The following CDH23 variants were observed in gnomAD, a reference collection of about 807,000 sequenced individuals.
CDH23 encodes the protein cadherin-23.
CDH23 carries 189 observed loss-of-function variants against 317.1 expected under a neutral mutation model. The observed-to-expected ratio is 0.60, with a 90% CI of 0.53 to 0.67. The LOEUF (loss-of-function observed/expected upper bound fraction) is 0.67. CDH23 is among the 30% of genes least tolerant of loss of function. The probability of loss-of-function intolerance (pLI) is 0.00; values close to 1 mark genes in which losing one functional copy is unlikely to be tolerated. For missense variants in CDH23, 4,401 were observed against 4,592.4 expected (o/e 0.96, Z 1.20); for synonymous variants, 1,839 against 1,876.8 (o/e 0.98, Z 0.52).
chr10:71,761,996 G>A (rs758679492), intron 38 of CDH23: 26 of 1,610,210 alleles, frequency 1.6e-5, no homozygotes, highest in Admixed American at 1.2e-4. Flanking sequence ...CAGGGAATAC[G>A]GCGTGGCGAC....
intron 28 of CDH23, among the ~76,000 whole-genome samples, chr10:71,720,536 C>T (rs547366224): frequency 2.0e-5 from 3 of 152,286 alleles, no homozygotes; most frequent in African/African-American, 7.2e-5. Context: ...TCTTTGGCAG[C>T]TTCCCCACCA....
chr10:71,682,821 G>A (rs1318246651), intron 18 of CDH23, among the ~76,000 whole-genome samples: 1 of 152,206 alleles, frequency 6.6e-6, no homozygotes, highest in Non-Finnish European at 1.5e-5. Context: ...CACATTGTCT[G>A]CTCTGACTTC....
chr10:71,461,464 A>G (rs572162655), intron 3 of CDH23, among the ~76,000 whole-genome samples: 189 of 152,348 alleles, frequency 1.2e-3, no homozygotes, highest in Non-Finnish European at 2.2e-3. Flanking sequence ...TGGAGAGGGA[A>G]TGACGGGAGA....
chr10:71,436,353 G>A lies in CDH23; in HGVS notation c.-5-3474G>A, dbSNP rs561491810. On this transcript the variant is annotated intron_variant, in intron 1 of 69. Transcript: ENST00000224721. ...AGCCTGAGCCTGCACTGTGGAAAGC[G>A]AAAGGCATTATGCATGCATGTGTAT... Among the ~76,000 whole-genome samples the A allele has an allele frequency of 7.9e-5, 12 of 152,362 alleles. No individual in the cohort carries two copies. The South Asian group carries it at 1.0e-3, about 13-fold the overall frequency.
intron 14 of CDH23, among the ~76,000 whole-genome samples, chr10:71,670,477 GA>G (rs1460752623): frequency 2.0e-5 from 3 of 152,196 alleles, no homozygotes; most frequent in Non-Finnish European, 4.4e-5. Context: ...TGTTCCAAGA[GA>G]GGGATGACGA....
chr10:71,727,450 G>T (rs1451416752), intron 30 of CDH23, among the ~76,000 whole-genome samples: 1 of 152,220 alleles, frequency 6.6e-6, no homozygotes, highest in Non-Finnish European at 1.5e-5. Flanking sequence ...ATGAGACCCG[G>T]GAGAGCTGGG....
intron 3 of CDH23, among the ~76,000 whole-genome samples, chr10:71,452,041 C>T (rs1195300378): frequency 6.6e-6 from 1 of 152,208 alleles, no homozygotes; most frequent in Non-Finnish European, 1.5e-5. Flanking sequence ...GGCACAGATG[C>T]TGTACGTGCC....
Position 71,577,918 on chromosome 10 carries a change from C to G in CDH23, c.758C>G (p.Thr253Arg). 1 of 1,596,152 alleles carries G rather than the reference C, an allele frequency of 6.3e-7. No homozygotes were observed. Among genetic ancestry groups the G allele is most frequent in the Non-Finnish European group, 8.5e-7 (1 of 1,171,168 alleles). ...TNIYEHSPPG[T>R]TVRIITAIDQ... ...TCCCTCCTCTCTTCTGCCCAGGGCA[C>G]GACGGTGCGCATCATCACCGCCATA... Residue 253 changes from threonine to arginine, a missense_variant, in exon 9 of 70, where the codon ACG (threonine) becomes AGG (arginine). Thr to Arg is a moderately conservative substitution (Grantham distance 71). This residue lies in a region of CDH23 where 3,068 missense variants were observed against 3,203.3 expected (regional missense o/e 0.96). Coordinates refer to ENST00000224721, the MANE Select transcript of CDH23 (RefSeq NM_022124.6).
intron 6 of CDH23, among the ~76,000 whole-genome samples, chr10:71,532,711 G>GTTTTTTTTTT (rs531593760): frequency 5.5e-5 from 7 of 128,098 alleles, no homozygotes; most frequent in Non-Finnish European, 1.1e-4. Flanking sequence ...TTTTGTTTTT[G>GTTTTTTTTTT]TTTTTTTTTT....
intron 41 of CDH23, among the ~76,000 whole-genome samples, chr10:71,780,549 G>A (rs1023854211): frequency 6.6e-6 from 1 of 152,198 alleles, no homozygotes; most frequent in African/African-American, 2.4e-5. Context: ...AAAAAGGCCT[G>A]CAGCTGGGGG....
intron 38 of CDH23, among the ~76,000 whole-genome samples, chr10:71,756,700 C>T (rs1168376178): frequency 6.6e-6 from 1 of 152,184 alleles, no homozygotes; most frequent in Non-Finnish European, 1.5e-5. Context: ...CCACAACCAA[C>T]ATAAACGCAT....
intron 48 of CDH23, chr10:71,796,780 C>T (rs1841415824): frequency 7.4e-6 from 2 of 269,386 alleles, no homozygotes; most frequent in East Asian, 8.3e-5. Context: ...TTTTTCTAAT[C>T]CTCAAAATAG....
chr10:71,498,776 G>A (rs1853112953), intron 3 of CDH23, among the ~76,000 whole-genome samples: 1 of 152,230 alleles, frequency 6.6e-6, no homozygotes, highest in African/African-American at 2.4e-5. Context: ...GCAGCCCTCA[G>A]CAAATGATGG....
At chr10:71,564,172 A>C (rs544352238) in intron 6 of CDH23, among the ~76,000 whole-genome samples, 31 of 152,206 alleles carry the variant, frequency 2.0e-4, no homozygotes, top group Non-Finnish European at 2.4e-4. Flanking sequence ...ACCTGGCCCC[A>C]TAAAGCAAAT....
chr10:71,675,275 G>A (rs1864313533), intron 15 of CDH23, 99 bp downstream of exon 15: 1 of 992,422 alleles, frequency 1.0e-6, no homozygotes, highest in Non-Finnish European at 1.6e-6. Flanking sequence ...CAGGGAGGGA[G>A]GTGCTGGGTC....
chr10:71,732,866 T>C (rs1839436584), intron 32 of CDH23: 2 of 244,540 alleles, frequency 8.2e-6, no homozygotes, highest in Non-Finnish European at 1.4e-5. Context: ...GGGAATCCTA[T>C]AGTTTGATTT....
At chr10:71,648,794 C>T (rs1284143790) in intron 14 of CDH23, among the ~76,000 whole-genome samples, 3 of 152,184 alleles carry the variant, frequency 2.0e-5, no homozygotes, top group African/African-American at 7.2e-5. Flanking sequence ...TCCGGCCAGC[C>T]TCCCTGGGTT....
At chr10:71,573,709 G>T (rs865865829) in intron 8 of CDH23, among the ~76,000 whole-genome samples, 1 of 152,226 alleles carries the variant, frequency 6.6e-6, no homozygotes, top group African/African-American at 2.4e-5. Flanking sequence ...CTAGACCCCC[G>T]ATCTGGGTGG....
intron 22 of CDH23, among the ~76,000 whole-genome samples, chr10:71,699,365 C>T (rs939876115): frequency 1.3e-5 from 2 of 152,250 alleles, no homozygotes; most frequent in African/African-American, 4.8e-5. Flanking sequence ...GGCCACAGCA[C>T]CTGGAGTCGG....
Sources: gnomAD v4.1 joint callset for allele counts (sites outside exome capture counted in the v4.1 genomes callset) on GRCh38, gnomAD v4.1.1 for gene constraint, gnomAD v4.1.1 regional missense constraint, MANE v1.5 for transcripts, NCBI Gene and HGNC (gene_info 2026-07-23, HGNC 2026-07-21) for gene names.